The following EGLN1 variants were observed in gnomAD, a reference collection of about 807,000 sequenced individuals.
EGLN1 encodes egl-9 family hypoxia inducible factor 1.
In EGLN1, 17 loss-of-function variants were observed where a neutral mutation model predicts 38.3. That is an observed-to-expected ratio of 0.44 (90% CI 0.30 to 0.67). The LOEUF (loss-of-function observed/expected upper bound fraction) is 0.67, where lower values mean the gene tolerates loss of function less well. EGLN1 is among the 30% of genes least tolerant of loss of function. The pLI, the probability that EGLN1 is intolerant of heterozygous loss-of-function variation, is 0.08. For synonymous variants in EGLN1, 283 were observed against 257.5 expected, an observed-to-expected ratio of 1.10 and a Z score of -0.95; for missense variants, 477 against 603.3, an observed-to-expected ratio of 0.79 and a Z score of 2.19.
intron 1 of EGLN1, among the ~76,000 whole-genome samples, chr1:231,392,573 C>T (rs1476410745): frequency 6.6e-6 from 1 of 152,124 alleles, no homozygotes; most frequent in Non-Finnish European, 1.5e-5. Flanking sequence ...AGGTATGGAG[C>T]TGTCCAGCCT....
chr1:231,369,274 C>T (rs1288106523), intron 3 of EGLN1, among the ~76,000 whole-genome samples: 3 of 152,202 alleles, frequency 2.0e-5, no homozygotes, highest in Admixed American at 1.3e-4. Flanking sequence ...TGTAGCACCA[C>T]CTTCGTTCCT....
intron 1 of EGLN1, among the ~76,000 whole-genome samples, chr1:231,411,479 T>C (rs1688940685): frequency 6.6e-6 from 1 of 152,194 alleles, no homozygotes; most frequent in Non-Finnish European, 1.5e-5. Context: ...TCCTTTTCAA[T>C]TTACTTCTTA....
chr1:231,405,825 T>C (rs1347086239), intron 1 of EGLN1, among the ~76,000 whole-genome samples: 1 of 152,094 alleles, frequency 6.6e-6, no homozygotes, highest in African/African-American at 2.4e-5. Flanking sequence ...TCCTGAAAAT[T>C]GTCAATACGA....
intron 1 of EGLN1, among the ~76,000 whole-genome samples, chr1:231,417,072 G>A (rs1172122238): frequency 6.6e-6 from 1 of 152,138 alleles, no homozygotes; most frequent in Middle Eastern, 3.2e-3. Flanking sequence ...TGCCAGCATG[G>A]TCTGGTACTG....
intron 1 of EGLN1, among the ~76,000 whole-genome samples, chr1:231,397,487 A>C (rs1427364699): frequency 6.6e-6 from 1 of 152,228 alleles, no homozygotes; most frequent in Non-Finnish European, 1.5e-5. Context: ...TTTGTAAATA[A>C]AATTTTACTG....
intron 1 of EGLN1, among the ~76,000 whole-genome samples, chr1:231,387,253 A>C (rs1355642685): frequency 2.0e-5 from 3 of 151,330 alleles, no homozygotes; most frequent in African/African-American, 7.3e-5. Flanking sequence ...ACACACACAC[A>C]CACCCCCCTA....
chr1:231,394,045 T>G (rs1016065971), intron 1 of EGLN1, among the ~76,000 whole-genome samples: 2 of 152,212 alleles, frequency 1.3e-5, no homozygotes, highest in African/African-American at 4.8e-5. Flanking sequence ...ATCCTTCTAC[T>G]CCTTTTTCTC....
intron 1 of EGLN1, among the ~76,000 whole-genome samples, chr1:231,414,117 A>C (rs926468544): frequency 2.6e-5 from 4 of 152,194 alleles, no homozygotes; most frequent in Admixed American, 6.5e-5. Flanking sequence ...ACAAGCTCTG[A>C]AAATGGACTT....
At position 231,399,044 on chromosome 1, in the gene EGLN1, C is replaced by T. The variant is rs143148331; in HGVS notation, c.891+21954G>A. On this transcript the variant is annotated intron_variant, in intron 1 of 4. Coordinates refer to ENST00000366641, the MANE Select transcript of EGLN1 (RefSeq NM_022051.3). ...AAATGCCAATAAGACATACAGAAAA[C>T]ATTTAATGGCAGTTTGAAATACACC... Among the ~76,000 whole-genome samples, 638 of 152,304 alleles carry T rather than the reference C, an allele frequency of 4.2e-3. 1 individual carries two copies. The highest frequency in any genetic ancestry group is 7.7e-3 in the Non-Finnish European group (522 of 68,010).
At chr1:231,403,654 G>A (rs1688716089) in intron 1 of EGLN1, among the ~76,000 whole-genome samples, 1 of 150,980 alleles carries the variant, frequency 6.6e-6, no homozygotes, top group African/African-American at 2.4e-5. Flanking sequence ...GCCTGTACTT[G>A]GCACTCAGCT....
chr1:231,375,081 CAG>C (rs574583404), intron 1 of EGLN1, among the ~76,000 whole-genome samples: 1 of 152,168 alleles, frequency 6.6e-6, no homozygotes, highest in South Asian at 2.1e-4. Context: ...TGTTTTTTTA[CAG>C]AGTCTTGCTC....
chr1:231,366,995 G>A (rs1271274554), intron 4 of EGLN1, among the ~76,000 whole-genome samples: 2 of 152,232 alleles, frequency 1.3e-5, no homozygotes, highest in Non-Finnish European at 2.9e-5. Context: ...TGGAGAGGCA[G>A]TCCATAAGTG....
chr1:231,389,394 C>T (rs1033976850), intron 1 of EGLN1, among the ~76,000 whole-genome samples: 5 of 151,748 alleles, frequency 3.3e-5, no homozygotes, highest in African/African-American at 9.7e-5. Flanking sequence ...AGAGGGCGAA[C>T]GTTGACAAAA....
At chr1:231,406,410 G>C (rs1320688013) in intron 1 of EGLN1, among the ~76,000 whole-genome samples, 1 of 152,010 alleles carries the variant, frequency 6.6e-6, no homozygotes, top group Non-Finnish European at 1.5e-5. Flanking sequence ...TGTCTGGAGA[G>C]GTATGCCCTC....
intron 1 of EGLN1, among the ~76,000 whole-genome samples, chr1:231,387,158 CA>C (rs560748747): frequency 6.1e-4 from 78 of 127,258 alleles, no homozygotes; most frequent in South Asian, 1.0e-3. Flanking sequence ...TGTGGCTAGT[CA>C]AAAAAAAAAA....
intron 1 of EGLN1, among the ~76,000 whole-genome samples, chr1:231,405,470 C>G (rs1169321351): frequency 6.6e-6 from 1 of 152,142 alleles, no homozygotes; most frequent in Non-Finnish European, 1.5e-5. Flanking sequence ...AGCCACCATG[C>G]CCAGCCAATA....
intron 2 of EGLN1, 111 bp downstream of exon 2, chr1:231,373,869 A>T: frequency 7.7e-7 from 1 of 1,297,496 alleles, no homozygotes. Flanking sequence ...CAAATTTAAG[A>T]GGAAAATTTT....
In EGLN1 at chr1:231,415,270, T is replaced by TA. The variant is rs71777021; in HGVS notation, c.891+5727dup. 7.7e-3 allele frequency among the ~76,000 whole-genome samples: 1,042 copies of TA among 135,100 alleles called. 7 individuals are homozygous for TA. The highest frequency in any genetic ancestry group is 0.013 in the Admixed American group (175 of 13,484). 88.6% of individuals were successfully genotyped at this position (135,100 alleles called of 152,430 possible). A position where few individuals can be genotyped will look rare whatever the true frequency, so the allele number is the denominator to read the frequency against. On this transcript the variant is annotated intron_variant, in intron 1 of 4. Transcript: ENST00000366641. Reference sequence around the variant, plus strand: ...CCTGGGCATGTTAGGCCCTGTCCTTTAAAAAAAAAAAAAAAAAAGCGTAAA... The same window carrying TA: ...CCTGGGCATGTTAGGCCCTGTCCTTTAAAAAAAAAAAAAAAAAAAGCGTAAA...
chr1:231,419,411 T>TG (rs1442925096), intron 1 of EGLN1, among the ~76,000 whole-genome samples: 1 of 152,218 alleles, frequency 6.6e-6, no homozygotes, highest in African/African-American at 2.4e-5. Flanking sequence ...AAGAAAGATT[T>TG]GGGACATCAT....
Sources: allele counts gnomAD v4.1 joint callset (sites outside exome capture counted in the v4.1 genomes callset), GRCh38; gene constraint gnomAD v4.1.1; transcripts MANE v1.5; gene names NCBI Gene and HGNC (gene_info 2026-07-23, HGNC 2026-07-21).